CDKL5: variants seen among roughly 807,000 people sequenced by gnomAD.
CDKL5 encodes cyclin-dependent kinase-like 5.
Under a neutral mutation model 61.7 loss-of-function variants are expected in CDKL5, and 8 were observed. That is an observed-to-expected ratio of 0.13 (90% CI 0.08 to 0.23). The LOEUF is 0.23. Among genes scored for constraint, CDKL5 ranks in the 10% least tolerant of loss-of-function variants. The pLI is 1.00. For missense variants in CDKL5, 440 were observed against 734.5 expected (o/e 0.60, Z 4.63); for synonymous variants, 275 against 272.3 (o/e 1.01, Z -0.10).
At chrX:18,594,241 G>GA (rs1451069155) in intron 9 of CDKL5, among the ~76,000 whole-genome samples, 1 of 111,994 alleles carries the variant, frequency 8.9e-6, no homozygotes, top group Non-Finnish European at 1.9e-5. Context: ...CTGACATTTG[G>GA]AAGGGAGTAC....
At chrX:18,518,088 A>G (rs911178925) in intron 3 of CDKL5, among the ~76,000 whole-genome samples, 6 of 111,508 alleles carry the variant, frequency 5.4e-5, no homozygotes, top group African/African-American at 2.0e-4. Context: ...TAGAAGCTGT[A>G]GTTCATATTT....
At chrX:18,503,260 T>C (rs1922453407) in intron 1 of CDKL5, among the ~76,000 whole-genome samples, 1 of 112,615 alleles carries the variant, frequency 8.9e-6, no homozygotes, top group Admixed American at 9.4e-5. Flanking sequence ...CTTGGCTTAC[T>C]GCAGCCTCCG....
intron 1 of CDKL5, among the ~76,000 whole-genome samples, chrX:18,437,865 C>T (rs1931643551): frequency 9.0e-6 from 1 of 111,575 alleles, no homozygotes; most frequent in Non-Finnish European, 1.9e-5. Context: ...TTGTGATTGC[C>T]TTGGTGATTG....
At chrX:18,536,168 A>G (rs1197860574) in intron 3 of CDKL5, 2 of 111,585 alleles carry the variant, frequency 1.8e-5, no homozygotes, top group African/African-American at 3.3e-5. Context: ...ACTTGGAAGC[A>G]TTATGATTCT....
intron 1 of CDKL5, among the ~76,000 whole-genome samples, chrX:18,438,516 C>T (rs897163914): frequency 9.2e-6 from 1 of 108,534 alleles, no homozygotes; most frequent in Admixed American, 9.9e-5. Flanking sequence ...TCTGGCTGGC[C>T]GCGGTGGCTC....
chrX:18,625,012 T>C, intron 16 of CDKL5, 116 bp from the exon 17 acceptor site: 1 of 647,781 alleles, frequency 1.5e-6, no homozygotes, highest in Non-Finnish European at 2.6e-6. Flanking sequence ...TTTACTGGGT[T>C]ATTTGAGTTT....
intron 1 of CDKL5, among the ~76,000 whole-genome samples, chrX:18,446,283 G>A (rs999082185): frequency 1.8e-5 from 2 of 108,507 alleles, no homozygotes; most frequent in Admixed American, 9.9e-5. Context: ...GGAGGCAGAG[G>A]TTGCAGTCCG....
intron 1 of CDKL5, among the ~76,000 whole-genome samples, chrX:18,502,595 T>G (rs1307009973): frequency 9.0e-6 from 1 of 111,321 alleles, no homozygotes; most frequent in African/African-American, 3.3e-5. Flanking sequence ...GAGAAGTTTA[T>G]GAGAAGTGAC....
chrX:18,640,662 G>A (rs184482473), downstream of CDKL5: 498 of 112,200 alleles, frequency 4.4e-3, 2 homozygotes, highest in Middle Eastern at 0.042. Context: ...CTGTATTAGC[G>A]CGAGTCTAGT....
At chrX:18,617,539 A>G (rs1389236727) in intron 15 of CDKL5, among the ~76,000 whole-genome samples, 1 of 112,075 alleles carries the variant, frequency 8.9e-6, no homozygotes, top group Non-Finnish European at 1.9e-5. Flanking sequence ...CCTTTATACA[A>G]CACAGCTTTT....
intron 1 of CDKL5, chrX:18,497,430 G>A (rs1407149375): frequency 4.5e-5 from 5 of 111,392 alleles, no homozygotes; most frequent in Non-Finnish European, 3.8e-5. Context: ...TGGTTTTGTT[G>A]TTGTGATACC....
Position 18,628,394 on chromosome X carries a change from C to T in CDKL5, c.2520C>T (p.Arg840=), listed in dbSNP as rs1037569177. The T allele has an allele frequency of 1.9e-5, 23 of 1,209,738 alleles. No individual in the cohort carries two copies. The highest frequency in any genetic ancestry group is 2.0e-5 in the Non-Finnish European group (18 of 894,850). ...AGAGCCAGCCATTAAAATCACTGCG[C>T]AAGTTGTTACATCTCTCTTCGGCCT... ...QTQSQPLKSL[R]KLLHLSSASN... The change falls in exon 18 of 18, where the codon CGC becomes CGT. Residue 840 remains arginine (R), a synonymous_variant. Transcript: ENST00000623535.
Position 18,635,294 on chromosome X carries a change from C to T in CDKL5, c.*6537C>T, listed in dbSNP as rs149489883. 1.6e-3 allele frequency: 1,210 copies of T among 742,373 alleles called. 9 individuals carry two copies. In the African/African-American group the frequency reaches 0.019, roughly 12 times the overall value. The allele number at this position is 742,373 out of a possible 1,213,427, so 61.2% of individuals were successfully genotyped here. ...TACACAAATATCTATTCCGTGATAACCTTCATTATCAGCATGAAATGGTTA... is the reference window on the plus strand; with the variant it reads ...TACACAAATATCTATTCCGTGATAATCTTCATTATCAGCATGAAATGGTTA... On this transcript the variant is annotated 3_prime_UTR_variant, in exon 18 of 18. Coordinates refer to ENST00000623535, the MANE Select transcript of CDKL5 (RefSeq NM_001323289.2).
At chrX:18,562,974 A>G (rs1296407746) in intron 3 of CDKL5, among the ~76,000 whole-genome samples, 1 of 112,465 alleles carries the variant, frequency 8.9e-6, no homozygotes, top group Non-Finnish European at 1.9e-5. Flanking sequence ...TTGTAGTCAT[A>G]TCAGTGGACA....
intron 3 of CDKL5, among the ~76,000 whole-genome samples, chrX:18,516,731 C>T (rs781511301): frequency 2.7e-5 from 3 of 110,764 alleles, no homozygotes; most frequent in Non-Finnish European, 5.7e-5. Context: ...ATTTTCCATG[C>T]TGATCTGACT....
intron 4 of CDKL5, among the ~76,000 whole-genome samples, chrX:18,569,734 C>T (rs1402299080): frequency 1.8e-5 from 2 of 110,895 alleles, no homozygotes; most frequent in Non-Finnish European, 3.8e-5. Context: ...ACATTTGGAC[C>T]TTCTTTTTGC....
intron 5 of CDKL5, among the ~76,000 whole-genome samples, chrX:18,577,697 C>T (rs1371485698): frequency 1.8e-5 from 2 of 111,768 alleles, no homozygotes; most frequent in Non-Finnish European, 3.8e-5. Flanking sequence ...CTGTACTCTT[C>T]GTTCTGGGCA....
intron 6 of CDKL5, 90 bp downstream of exon 6, chrX:18,580,058 A>G (rs1263151187): frequency 1.2e-6 from 1 of 814,510 alleles, no homozygotes; most frequent in African/African-American, 2.0e-5. Context: ...GAATATTTTC[A>G]TAAGCATTGG....
intron 3 of CDKL5, among the ~76,000 whole-genome samples, chrX:18,514,131 T>C (rs1290736311): frequency 9.0e-6 from 1 of 111,096 alleles, no homozygotes; most frequent in Non-Finnish European, 1.9e-5. Flanking sequence ...AATTGAGAGA[T>C]CATGCTGATA....
Sources: gnomAD v4.1 joint callset for allele counts (sites outside exome capture counted in the v4.1 genomes callset) on GRCh38, gnomAD v4.1.1 for gene constraint, MANE v1.5 for transcripts, NCBI Gene and HGNC (gene_info 2026-07-23, HGNC 2026-07-21) for gene names.